TEX46: variants seen among roughly 807,000 people sequenced by gnomAD.
TEX46 encodes the protein testis expressed 46.
TEX46 carries 6 observed loss-of-function variants against 5.3 expected under a neutral mutation model. The ratio of observed to expected loss-of-function variants is 1.13; its 90% CI spans 0.62 to 2.23. TEX46 has a LOEUF of 2.23. Among genes scored for constraint, TEX46 ranks in the 30% most tolerant of loss-of-function variants. The pLI, the probability that TEX46 is intolerant of heterozygous loss-of-function variation, is 0.00. For missense variants in TEX46, 131 were observed against 150.9 expected, an observed-to-expected ratio of 0.87 and a Z score of 0.69; for synonymous variants, 41 against 54.6, an observed-to-expected ratio of 0.75 and a Z score of 1.10.
intron 2 of TEX46, chr1:23,011,344 T>C: frequency 2.2e-6 from 1 of 448,428 alleles, no homozygotes; most frequent in Non-Finnish European, 4.0e-6. Flanking sequence ...GGGAGCATCA[T>C]TGCCTCATTT....
intron 2 of TEX46, among the ~76,000 whole-genome samples, chr1:23,013,067 G>A (rs1641375241): frequency 6.6e-6 from 1 of 151,904 alleles, no homozygotes; most frequent in South Asian, 2.1e-4. Flanking sequence ...GTTTCCTCAT[G>A]TTGCCTGGGC....
At chr1:23,015,158 A>G (rs889977718) in intron 1 of TEX46, among the ~76,000 whole-genome samples, 1 of 150,880 alleles carries the variant, frequency 6.6e-6, no homozygotes, top group Non-Finnish European at 1.5e-5. Context: ...ATCAGCTTTT[A>G]AAAAATGCTA....
intron 1 of TEX46, among the ~76,000 whole-genome samples, chr1:23,014,996 C>G (rs977788578): frequency 6.6e-6 from 1 of 151,966 alleles, no homozygotes; most frequent in African/African-American, 2.4e-5. Context: ...GCACGCACCA[C>G]CACACCCACC....
chr1:23,012,496 C>T (rs745369716), intron 2 of TEX46, among the ~76,000 whole-genome samples: 7 of 152,138 alleles, frequency 4.6e-5, no homozygotes, highest in Non-Finnish European at 8.8e-5. Flanking sequence ...CCTGTGGACT[C>T]TCACACCCAC....
chr1:23,014,159 T>G, intron 1 of TEX46, 114 bp from the exon 2 acceptor site: 5 of 1,420,452 alleles, frequency 3.5e-6, no homozygotes, highest in Non-Finnish European at 4.6e-6. Flanking sequence ...CTCTGAGTCA[T>G]AGCCAGCTCC....
chr1:23,011,223 G>GA, intron 2 of TEX46, 122 bp from the exon 3 acceptor site: 1 of 676,396 alleles, frequency 1.5e-6, no homozygotes, highest in East Asian at 2.7e-5. Context: ...CCAGCACCAG[G>GA]AAAAGGGGAA....
chr1:23,013,813 C>T lies in TEX46; in HGVS notation c.165+70G>A, dbSNP rs1184419854. The stretch of plus-strand genomic sequence containing the variant: ...CATTATTTCGACACCTACCCTGTTC[C>T]CTACCCACCTAATCTAGCTGCAAAT... On this transcript the variant is annotated intron_variant, in intron 2 of 2. Transcript: ENST00000566855. 9.9e-6 allele frequency: 14 copies of T among 1,416,014 alleles called. No homozygotes were observed. In the South Asian group the frequency reaches 1.8e-4, roughly 19 times the overall value. The allele number at this position is 1,416,014 out of a possible 1,614,324, so 87.7% of individuals were successfully genotyped here. A position where few individuals can be genotyped will look rare whatever the true frequency, so the allele number is the denominator to read the frequency against.
At position 23,013,982 on chromosome 1, in the gene TEX46, GCT is replaced by G. The variant is rs1641386036; in HGVS notation, c.64_65del (p.Ser22LeufsTer2). On this transcript the variant is annotated frameshift_variant, in exon 2 of 3. Coordinates refer to ENST00000566855, the MANE Select transcript of TEX46 (RefSeq NM_001242521.2). LOFTEE classifies it high-confidence loss of function. ...GGAACCCAAACAAGGCTGGCTTATA[GCT>G]CATCAGCCAAGCTGCCACTGCTCCT... ...TIGAVAAWLM[S>X]YKPALFGFLF... 1 of 1,535,964 alleles carries G rather than the reference GCT, an allele frequency of 6.5e-7. No individual in the cohort carries two copies. The highest frequency in any genetic ancestry group is 8.7e-7 in the Non-Finnish European group (1 of 1,146,792).
chr1:23,013,480 T>G (rs1406339166), intron 2 of TEX46, among the ~76,000 whole-genome samples: 1 of 152,204 alleles, frequency 6.6e-6, no homozygotes, highest in Non-Finnish European at 1.5e-5. Context: ...GCCTAGCATG[T>G]TTTTTAACAT....
chr1:23,011,919 G>A (rs955002084), intron 2 of TEX46, among the ~76,000 whole-genome samples: 7 of 152,138 alleles, frequency 4.6e-5, no homozygotes, highest in Non-Finnish European at 2.9e-5. Context: ...GGCTCAGTAC[G>A]ATCTCAAACT....
chr1:23,014,164 A>AGGGGGGGGGGGGGGG, intron 1 of TEX46, 119 bp from the exon 2 acceptor site: 1 of 1,307,282 alleles, frequency 7.6e-7, no homozygotes, highest in Non-Finnish European at 1.0e-6. Flanking sequence ...AGTCATAGCC[A>AGGGGGGGGGGGGGGG]GCTCCCTCCC....
intron 1 of TEX46, chr1:23,014,265 G>T (rs1641391448): frequency 4.8e-6 from 2 of 416,064 alleles, no homozygotes; most frequent in African/African-American, 2.2e-5. Flanking sequence ...CAGTTTGAAA[G>T]CATTATCTCA....
intron 1 of TEX46, among the ~76,000 whole-genome samples, chr1:23,014,645 C>G (rs1641396169): frequency 6.6e-6 from 1 of 151,742 alleles, no homozygotes; most frequent in Admixed American, 6.6e-5. Flanking sequence ...CCTCCAACTC[C>G]TGGGCTCAAG....
At chr1:23,012,100 A>G (rs1224617811) in intron 2 of TEX46, among the ~76,000 whole-genome samples, 2 of 152,032 alleles carry the variant, frequency 1.3e-5, no homozygotes, top group East Asian at 3.9e-4. Flanking sequence ...CTGTAATCCC[A>G]GCACCTTCGA....
At chr1:23,014,132 G>C in intron 1 of TEX46, 87 bp from the exon 2 acceptor site, 1 of 1,458,686 alleles carries the variant, frequency 6.9e-7, no homozygotes, top group Non-Finnish European at 9.0e-7. Flanking sequence ...CATGACAAGA[G>C]TCACGGCCAC....
At position 23,015,833 on chromosome 1, in the gene TEX46, C is replaced by A; in HGVS notation, c.-60G>T. 2 of 680,776 alleles carry A rather than the reference C, an allele frequency of 2.9e-6. No homozygotes were observed. The highest frequency in any genetic ancestry group is 2.3e-5 in the Admixed American group (1 of 44,374). The allele number at this position is 680,776 out of a possible 1,614,324, so 42.2% of individuals were successfully genotyped here. On this transcript the variant is annotated 5_prime_UTR_variant, in exon 1 of 3. Coordinates refer to ENST00000566855, the MANE Select transcript of TEX46 (RefSeq NM_001242521.2). Reference sequence around the variant, plus strand: ...AGAGTAGAATGGTGGCTGCCAGGGTCTGGAAGGAGGGGCAAATGTAGTCAT... The same window carrying A: ...AGAGTAGAATGGTGGCTGCCAGGGTATGGAAGGAGGGGCAAATGTAGTCAT...
chr1:23,015,436 CAAAAAAAAAAAAA>C (rs61258225), intron 1 of TEX46, among the ~76,000 whole-genome samples: 6 of 27,766 alleles, frequency 2.2e-4, no homozygotes, highest in African/African-American at 6.2e-4. Context: ...GACTCCTTCT[CAAAAAAAAAAAAA>C]AAAAAAAAAA....
rs538783592 is a variant in TEX46, at chr1:23,012,500, C to T, written c.165+1383G>A. Among the ~76,000 whole-genome samples, 5 of 152,276 alleles carry T rather than the reference C, an allele frequency of 3.3e-5. No homozygotes were observed. In the East Asian group the frequency reaches 5.8e-4, roughly 18 times the overall value. ...AACTAAAGTTCCCTGTGGACTCTCA[C>T]ACCCACAGCATCCTCCTCCCTCCCT... On this transcript the variant is annotated intron_variant, in intron 2 of 2. Coordinates refer to ENST00000566855, the MANE Select transcript of TEX46 (RefSeq NM_001242521.2).
chr1:23,011,409 T>G (rs1641350078), intron 2 of TEX46, among the ~76,000 whole-genome samples: 1 of 150,820 alleles, frequency 6.6e-6, no homozygotes, highest in Admixed American at 6.6e-5. Flanking sequence ...TTTTTTTTTT[T>G]GAGACTGAGT....
Sources: gnomAD v4.1 joint callset for allele counts (sites outside exome capture counted in the v4.1 genomes callset) on GRCh38, gnomAD v4.1.1 for gene constraint, MANE v1.5 for transcripts, NCBI Gene and HGNC (gene_info 2026-07-23, HGNC 2026-07-21) for gene names.